The following ADGRG7 variants were observed in gnomAD, a reference collection of about 807,000 sequenced individuals.
The protein encoded by ADGRG7 is adhesion G protein-coupled receptor G7.
ADGRG7 carries 82 observed loss-of-function variants against 88.6 expected under a neutral mutation model. The ratio of observed to expected loss-of-function variants is 0.93; its 90% CI spans 0.77 to 1.11. The LOEUF is 1.11. ADGRG7 is among the 50% of genes most tolerant of loss of function. ADGRG7 has a pLI of 0.00. For synonymous variants in ADGRG7, 381 were observed against 345.2 expected, an observed-to-expected ratio of 1.10 and a Z score of -1.15; for missense variants, 945 against 953.4, an observed-to-expected ratio of 0.99 and a Z score of 0.12.
At chr3:100,677,832 C>A (rs994475314) in intron 15 of ADGRG7, among the ~76,000 whole-genome samples, 1 of 152,072 alleles carries the variant, frequency 6.6e-6, no homozygotes, top group Non-Finnish European at 1.5e-5. Flanking sequence ...TTTATTTTCT[C>A]TTGCTGCTTT....
intron 1 of ADGRG7, among the ~76,000 whole-genome samples, chr3:100,611,279 C>CCTTCCTTCCTTCCTTT (rs1559666844): frequency 2.1e-5 from 3 of 143,600 alleles, no homozygotes; most frequent in African/African-American, 7.7e-5. Context: ...TTCCTTCCTT[C>CCTTCCTTCCTTCCTTT]CTTCCTTCCT....
chr3:100,665,383 A>C (rs1022625355), intron 14 of ADGRG7: 2 of 540,464 alleles, frequency 3.7e-6, no homozygotes, highest in Admixed American at 3.9e-5. Context: ...CTTCATTACA[A>C]TAGAAGCATT....
intron 13 of ADGRG7, among the ~76,000 whole-genome samples, chr3:100,656,886 G>T (rs1329408132): frequency 1.3e-5 from 2 of 152,076 alleles, no homozygotes; most frequent in Non-Finnish European, 2.9e-5. Flanking sequence ...GTTTGATTAT[G>T]GTTAAATATA....
intron 1 of ADGRG7, among the ~76,000 whole-genome samples, chr3:100,622,313 A>G (rs952743623): frequency 2.8e-5 from 4 of 140,778 alleles, no homozygotes; most frequent in Non-Finnish European, 6.0e-5. Flanking sequence ...TGTTTCCGCA[A>G]TATTTGTTGA....
chr3:100,676,030 A>C (rs943637047), intron 15 of ADGRG7, among the ~76,000 whole-genome samples: 28 of 151,674 alleles, frequency 1.8e-4, no homozygotes, highest in African/African-American at 6.3e-4. Flanking sequence ...AATGTTTGTC[A>C]ATTTTTTTGA....
chr3:100,640,521 A>AT (rs912119093), intron 6 of ADGRG7, among the ~76,000 whole-genome samples: 42 of 150,734 alleles, frequency 2.8e-4, no homozygotes, highest in East Asian at 7.8e-4. Context: ...TCACCTCACC[A>AT]TTTTTTTTTC....
At chr3:100,630,000 A>T (rs890127525) in intron 2 of ADGRG7, among the ~76,000 whole-genome samples, 1 of 152,186 alleles carries the variant, frequency 6.6e-6, no homozygotes, top group East Asian at 1.9e-4. Flanking sequence ...AATGAATGAC[A>T]TGATTCTCTC....
intron 15 of ADGRG7, among the ~76,000 whole-genome samples, chr3:100,678,055 T>TA (rs1266246261): frequency 3.9e-5 from 6 of 152,132 alleles, no homozygotes; most frequent in Admixed American, 1.3e-4. Flanking sequence ...TAATAGCTCT[T>TA]AGATTTTTCC....
At chr3:100,672,057 A>G (rs996827504) in intron 15 of ADGRG7, among the ~76,000 whole-genome samples, 13 of 152,184 alleles carry the variant, frequency 8.5e-5, no homozygotes, top group African/African-American at 3.1e-4. Flanking sequence ...TTGGTTCCAT[A>G]TAAAATTTAA....
At chr3:100,614,343 C>A (rs1034963256) in intron 1 of ADGRG7, among the ~76,000 whole-genome samples, 6 of 152,020 alleles carry the variant, frequency 3.9e-5, no homozygotes, top group African/African-American at 1.4e-4. Context: ...CTACACTGTA[C>A]CATCAAGAAA....
At chr3:100,687,575 T>C (rs2094984980) in intron 15 of ADGRG7, among the ~76,000 whole-genome samples, 1 of 152,056 alleles carries the variant, frequency 6.6e-6, no homozygotes, top group South Asian at 2.1e-4. Flanking sequence ...TATTGAGAGT[T>C]TTTAGCACGA....
intron 1 of ADGRG7, among the ~76,000 whole-genome samples, chr3:100,622,264 A>ATTTTTTTTTTTT (rs57699713): frequency 3.8e-5 from 5 of 130,912 alleles, no homozygotes; most frequent in East Asian, 4.5e-4. Flanking sequence ...CTCTATATTC[A>ATTTTTTTTTTTT]TTTTTTTTTT....
intron 6 of ADGRG7, among the ~76,000 whole-genome samples, chr3:100,639,359 T>G (rs1707600507): frequency 6.6e-6 from 1 of 152,188 alleles, no homozygotes; most frequent in African/African-American, 2.4e-5. Flanking sequence ...AGTTTTCTAA[T>G]GATTATGACA....
chr3:100,666,379 G>C (rs1048623603), intron 14 of ADGRG7, among the ~76,000 whole-genome samples: 1 of 152,226 alleles, frequency 6.6e-6, no homozygotes, highest in Non-Finnish European at 1.5e-5. Flanking sequence ...ATAGTGGGGA[G>C]AGGGTCAGCA....
chr3:100,643,442 A>T, intron 7 of ADGRG7, 37 bp downstream of exon 7: 1 of 1,612,434 alleles, frequency 6.2e-7, no homozygotes, highest in Non-Finnish European at 8.5e-7. Flanking sequence ...AACAGCAAAG[A>T]GCATTCTGCT....
chr3:100,629,592 C>G lies in ADGRG7; in HGVS notation c.116-6C>G. 6.2e-7 allele frequency: 1 copy of G among 1,600,974 alleles called. No homozygotes were observed. The highest frequency in any genetic ancestry group is 8.6e-7 in the Non-Finnish European group (1 of 1,168,756). ...ATGACTATTCTGTTATTTATTGTTT[C>G]TTTAGGAAAATCTACTTCCTCATCA... On this transcript the variant is annotated splice_polypyrimidine_tract_variant and splice_region_variant and intron_variant, in intron 1 of 15. Transcript: ENST00000273352.
At chr3:100,615,468 G>T (rs1054681773) in intron 1 of ADGRG7, among the ~76,000 whole-genome samples, 1 of 152,210 alleles carries the variant, frequency 6.6e-6, no homozygotes, top group Non-Finnish European at 1.5e-5. Flanking sequence ...ACTTGGACTA[G>T]ATATCCTCAA....
intron 15 of ADGRG7, among the ~76,000 whole-genome samples, chr3:100,686,039 G>A (rs2094982032): frequency 6.6e-6 from 1 of 151,204 alleles, no homozygotes; most frequent in Admixed American, 6.6e-5. Context: ...AGCACCTGTT[G>A]TTTCCTGACT....
intron 11 of ADGRG7, 89 bp from the exon 12 acceptor site, chr3:100,654,746 T>C: frequency 1.3e-6 from 1 of 785,994 alleles, no homozygotes; most frequent in East Asian, 2.7e-5. Context: ...GGCAATAATA[T>C]TCTTTGTTCC....
Sources: gnomAD v4.1 joint callset for allele counts (sites outside exome capture counted in the v4.1 genomes callset) on GRCh38, gnomAD v4.1.1 for gene constraint, MANE v1.5 for transcripts, NCBI Gene and HGNC (gene_info 2026-07-23, HGNC 2026-07-21) for gene names.